Variants in RERE observed in about 807,000 individuals in gnomAD.
RERE encodes arginine-glutamic acid dipeptide repeats protein.
RERE carries 40 observed loss-of-function variants against 146.1 expected under a neutral mutation model. That is an observed-to-expected ratio of 0.27 (90% CI 0.21 to 0.36). The LOEUF (loss-of-function observed/expected upper bound fraction) is 0.36. Among genes scored for constraint, RERE ranks in the 10% least tolerant of loss-of-function variants. The pLI is 1.00. For synonymous variants in RERE, 1,003 were observed against 866.0 expected (o/e 1.16, Z -2.78); for missense variants, 1,933 against 2,138.7 (o/e 0.90, Z 1.90).
At chr1:8,711,002 C>T (rs1639655978) in intron 1 of RERE, among the ~76,000 whole-genome samples, 1 of 151,398 alleles carries the variant, frequency 6.6e-6, no homozygotes, top group South Asian at 2.1e-4. Flanking sequence ...ATTAAAATTA[C>T]AAAAATTAGC....
intron 11 of RERE, chr1:8,428,446 C>T (rs1644047437): frequency 6.6e-6 from 1 of 152,242 alleles, no homozygotes; most frequent in South Asian, 2.1e-4. Context: ...CTTTGTGTTA[C>T]AACTTACGTT....
In RERE at chr1:8,360,250, C is replaced by A; in HGVS notation, c.3257G>T (p.Cys1086Phe). The A allele has an allele frequency of 6.3e-7, 1 of 1,578,098 alleles. No individual in the cohort carries two copies. The highest frequency in any genetic ancestry group is 8.6e-7 in the Non-Finnish European group (1 of 1,163,230). The part of the protein sequence containing the change: ...SGGSIAGGSS[C>F]PLPTVQIKEE... ...CTTGATCTGGACGGTGGGGAGTGGG[C>A]AGGACGACCCCCCCGCTATGCTGCC... is the stretch of plus-strand genomic sequence containing the variant. The change falls in exon 18 of 23, where the codon TGC becomes TTC. Residue 1086 changes from cysteine to phenylalanine, a missense_variant. Transcript: ENST00000400908.
chr1:8,361,067 G>A lies in RERE; in HGVS notation c.2440C>T (p.Pro814Ser). The A allele has an allele frequency of 6.9e-7, 1 of 1,439,470 alleles. No homozygotes were observed. Among genetic ancestry groups the A allele is most frequent in the Non-Finnish European group, 9.1e-7 (1 of 1,101,754 alleles). 89.2% of individuals were successfully genotyped at this position (1,439,470 alleles called of 1,614,324 possible). ...PALHPQRPPS[P>S]HPPPHPSPHP... ...GGCGAGGGATGCGGCGGGGGATGCG[G>A]TGAGGGCGGCCGCTGGGGGTGCAAG... Residue 814 changes from proline to serine, a missense_variant, in exon 18 of 23, where the codon CCG becomes TCG. This residue lies in a region of RERE where 1,255 missense variants were observed against 1,153.8 expected (regional missense o/e 1.09). Coordinates refer to ENST00000400908, the MANE Select transcript of RERE (RefSeq NM_001042681.2).
intron 1 of RERE, among the ~76,000 whole-genome samples, chr1:8,671,034 T>TAAATCCAAGCA (rs1188594534): frequency 1.3e-5 from 2 of 152,236 alleles, no homozygotes; most frequent in African/African-American, 2.4e-5. Context: ...TACAGTCATT[T>TAAATCCAAGCA]ACTGACATGC....
At chr1:8,449,022 AGC>A (rs1644359490) in intron 11 of RERE, among the ~76,000 whole-genome samples, 1 of 152,220 alleles carries the variant, frequency 6.6e-6, no homozygotes, top group East Asian at 1.9e-4. Flanking sequence ...ACTTGGGGAC[AGC>A]CCTGAGACAT....
chr1:8,773,557 A>G (rs781462136), intron 1 of RERE, among the ~76,000 whole-genome samples: 30 of 152,086 alleles, frequency 2.0e-4, no homozygotes, highest in Middle Eastern at 3.4e-3. Context: ...TGGGCACGGT[A>G]GCTCACGCCT....
rs183680952 is a variant in RERE at position 8,710,673 on chromosome 1, G to A, written c.-144-54232C>T. Reference sequence around the variant, plus strand: ...AGCTGGGACTACAGGTGCCCACCACGCCCGGCTAATTTTTTGTATTTTTAG... The same window carrying A: ...AGCTGGGACTACAGGTGCCCACCACACCCGGCTAATTTTTTGTATTTTTAG... On this transcript the variant is annotated intron_variant, in intron 1 of 22. Transcript: ENST00000400908. Among the ~76,000 whole-genome samples the A allele has an allele frequency of 6.9e-4, 105 of 152,078 alleles. 1 individual carries two copies. Among genetic ancestry groups the A allele is most frequent in the African/African-American group, 2.5e-3 (102 of 41,516 alleles).
At chr1:8,502,207 G>A (rs1645177076) in intron 8 of RERE, among the ~76,000 whole-genome samples, 1 of 91,996 alleles carries the variant, frequency 1.1e-5, no homozygotes, top group African/African-American at 4.7e-5. Flanking sequence ...CCGGGAGGGA[G>A]GTGGGGGGAT....
At position 8,362,666 on chromosome 1, in the gene RERE, TC is replaced by T. The variant is rs1338107909; in HGVS notation, c.1902+16del. The T allele has an allele frequency of 1.9e-6, 3 of 1,614,004 alleles. No homozygotes were observed. Among genetic ancestry groups the T allele is most frequent in the Non-Finnish European group, 2.5e-6 (3 of 1,179,960 alleles). ...GGGAGGGACAGAGTAGGCCCTACTA[TC>T]CCCCCAGCACCTGACCTTGGCCGAC... On this transcript the variant is annotated intron_variant, in intron 16 of 22. Coordinates refer to ENST00000400908, the MANE Select transcript of RERE (RefSeq NM_001042681.2).
At chr1:8,586,698 A>G (rs968714559) in intron 4 of RERE, among the ~76,000 whole-genome samples, 5 of 152,336 alleles carry the variant, frequency 3.3e-5, no homozygotes, top group South Asian at 4.1e-4. Context: ...TAAAAGATGG[A>G]TTTTAACCAA....
rs1213314828 is a variant in RERE at position 8,356,035 on chromosome 1, A to G, written c.4486+65T>C. On this transcript the variant is annotated intron_variant, in intron 21 of 22. Coordinates refer to ENST00000400908, the MANE Select transcript of RERE (RefSeq NM_001042681.2). The surrounding 1 kb of genome is among the most constrained non-coding windows in gnomAD (Gnocchi z 5.2). ...GAATGAATGAGTAATGAATGAAGAC[A>G]GCAGACCAGACCCCAACCCAACCCT... 9 of 1,429,190 alleles carry G rather than the reference A, an allele frequency of 6.3e-6. No individual in the cohort carries two copies. The highest frequency in any genetic ancestry group is 8.3e-6 in the Non-Finnish European group (9 of 1,082,588). The allele number at this position is 1,429,190 out of a possible 1,614,324, so 88.5% of individuals were successfully genotyped here.
At chr1:8,797,951 GCA>G (rs2124585538) in intron 1 of RERE, among the ~76,000 whole-genome samples, 1 of 152,292 alleles carries the variant, frequency 6.6e-6, no homozygotes, top group Non-Finnish European at 1.5e-5. Context: ...ACAATGGTTG[GCA>G]CTCAATTTTA....
Position 8,507,146 on chromosome 1 carries a change from G to GC in RERE, c.879+1480dup, listed in dbSNP as rs1382466595. On this transcript the variant is annotated intron_variant, in intron 8 of 22. Transcript: ENST00000400908. ...GAATATGCCGGGCCCAGTGGCACAT[G>GC]CCTTTAGTCCCAGCTACTCAGAGGC... 2.6e-5 allele frequency among the ~76,000 whole-genome samples: 4 copies of GC among 152,308 alleles called. No individual in the cohort carries two copies. The East Asian group carries it at 7.7e-4, about 29-fold the overall frequency.
intron 2 of RERE, among the ~76,000 whole-genome samples, chr1:8,636,886 C>T (rs946694817): frequency 2.7e-5 from 4 of 149,042 alleles, no homozygotes; most frequent in African/African-American, 9.9e-5. Flanking sequence ...TTGCCTGTAG[C>T]TCAAGAACCA....
At chr1:8,625,054 T>C (rs1646958310) in intron 2 of RERE, among the ~76,000 whole-genome samples, 1 of 152,244 alleles carries the variant, frequency 6.6e-6, no homozygotes. Context: ...CTTTCTTAAA[T>C]TACATTTGAC....
chr1:8,427,439 T>C (rs996373860), intron 11 of RERE, among the ~76,000 whole-genome samples: 4 of 152,008 alleles, frequency 2.6e-5, no homozygotes, highest in Non-Finnish European at 4.4e-5. Context: ...TCTTTCGAGA[T>C]TGTCACTGGT....
At chr1:8,566,180 G>A (rs1029300451) in intron 4 of RERE, among the ~76,000 whole-genome samples, 1 of 152,142 alleles carries the variant, frequency 6.6e-6, no homozygotes, top group African/African-American at 2.4e-5. Flanking sequence ...AAAATCCACA[G>A]GGTCGTCTTC....
chr1:8,484,529 T>C (rs556804804), intron 10 of RERE, among the ~76,000 whole-genome samples: 6 of 151,630 alleles, frequency 4.0e-5, no homozygotes, highest in Non-Finnish European at 8.8e-5. Flanking sequence ...GGCCACACCA[T>C]TCTCCTGCCT....
chr1:8,398,247 G>A (rs1454980553), intron 12 of RERE, among the ~76,000 whole-genome samples: 2 of 152,244 alleles, frequency 1.3e-5, no homozygotes, highest in Admixed American at 6.5e-5. Flanking sequence ...GGCCAGAGGT[G>A]CAGAAAGAAA....
Sources: allele counts gnomAD v4.1 joint callset (sites outside exome capture counted in the v4.1 genomes callset), GRCh38; gene constraint gnomAD v4.1.1; regional missense constraint gnomAD v4.1.1; non-coding constraint Gnocchi (gnomAD v3.1); transcripts MANE v1.5; gene names NCBI Gene and HGNC (gene_info 2026-07-23, HGNC 2026-07-21).